ATP1B3: variants seen among roughly 807,000 people sequenced by gnomAD.
ATP1B3 encodes the protein sodium/potassium-transporting ATPase subunit beta-3.
ATP1B3 carries 10 observed loss-of-function variants against 30.2 expected under a neutral mutation model. That is an observed-to-expected ratio of 0.33 (90% confidence interval 0.20 to 0.56). The LOEUF (loss-of-function observed/expected upper bound fraction) is 0.56, where lower values mean the gene tolerates loss of function less well. ATP1B3 is among the 20% of genes least tolerant of loss of function. ATP1B3 has a pLI of 0.90. For missense variants in ATP1B3, 238 were observed against 336.7 expected (o/e 0.71, Z 2.29); for synonymous variants, 113 against 117.0 (o/e 0.97, Z 0.22).
At chr3:141,904,102 C>T (rs951470331) in intron 2 of ATP1B3, among the ~76,000 whole-genome samples, 1 of 152,136 alleles carries the variant, frequency 6.6e-6, no homozygotes, top group Non-Finnish European at 1.5e-5. Context: ...CGGCTTTTAA[C>T]AAAATTGAGT....
rs1379745968 is a variant in ATP1B3 at position 141,889,746 on chromosome 3, A to ATATATAT, written c.109+12836_109+12837insTATATAT. Among the ~76,000 whole-genome samples the ATATATAT allele has an allele frequency of 4.9e-4, 49 of 101,010 alleles. 1 individual carries two copies. Among genetic ancestry groups the ATATATAT allele is most frequent in the African/African-American group, 8.2e-4 (18 of 21,924 alleles). 66.3% of individuals were successfully genotyped at this position (101,010 alleles called of 152,430 possible). On this transcript the variant is annotated intron_variant, in intron 1 of 6. Coordinates refer to ENST00000286371, the MANE Select transcript of ATP1B3 (RefSeq NM_001679.4). ...TCCGTCTCAAAAAAAAAAAAAAAAAAAAAAATATATACACACACACACACA... is the reference window on the plus strand; with the variant it reads ...TCCGTCTCAAAAAAAAAAAAAAAAAATATATATAAAAATATATACACACACACACACA...
intron 1 of ATP1B3, among the ~76,000 whole-genome samples, chr3:141,901,788 A>G (rs1319353558): frequency 2.0e-5 from 3 of 152,246 alleles, no homozygotes; most frequent in Non-Finnish European, 2.9e-5. Context: ...TAACAAGAAT[A>G]TTTTAAGATG....
intron 5 of ATP1B3, among the ~76,000 whole-genome samples, chr3:141,921,381 T>C (rs1434075022): frequency 2.0e-5 from 3 of 151,744 alleles, no homozygotes; most frequent in Non-Finnish European, 2.9e-5. Flanking sequence ...TTATATATGC[T>C]CATAAATTTA....
chr3:141,910,783 C>CT (rs67244663), intron 3 of ATP1B3, among the ~76,000 whole-genome samples: 3 of 150,000 alleles, frequency 2.0e-5, no homozygotes, highest in Non-Finnish European at 4.4e-5. Context: ...CTGCCCCCCC[C>CT]TTTTTTTTAA....
At chr3:141,877,957 A>C in intron 1 of ATP1B3, among the ~76,000 whole-genome samples, 1 of 152,020 alleles carries the variant, frequency 6.6e-6, no homozygotes, top group East Asian at 1.9e-4. Context: ...TCGAGAGCTT[A>C]GAACTATTTG....
chr3:141,884,514 C>T lies in ATP1B3; in HGVS notation c.109+7604C>T, dbSNP rs369249717. On this transcript the variant is annotated intron_variant, in intron 1 of 6. Coordinates refer to ENST00000286371, the MANE Select transcript of ATP1B3 (RefSeq NM_001679.4). ...GGGTTGAAGGATAGAAAGTATTGAT[C>T]CTGGGTGTGTCTGTGAGGGTGTTGC... Among the ~76,000 whole-genome samples, 50 of 152,192 alleles carry T rather than the reference C, an allele frequency of 3.3e-4. No individual in the cohort carries two copies. The South Asian group carries it at 1.0e-2, about 30-fold the overall frequency.
intron 1 of ATP1B3, among the ~76,000 whole-genome samples, chr3:141,890,351 G>A (rs1933927040): frequency 8.5e-6 from 1 of 117,510 alleles, no homozygotes; most frequent in African/African-American, 3.3e-5. Context: ...CACCCAGGAT[G>A]GACTGCAGTG....
At chr3:141,913,566 G>C in intron 3 of ATP1B3, 86 bp from the exon 4 acceptor site, 2 of 1,168,026 alleles carry the variant, frequency 1.7e-6, no homozygotes, top group Non-Finnish European at 2.3e-6. Context: ...TGTCTTTGAA[G>C]AACATTTTCC....
chr3:141,879,118 A>G (rs766226742), intron 1 of ATP1B3, among the ~76,000 whole-genome samples: 11 of 152,184 alleles, frequency 7.2e-5, no homozygotes, highest in Non-Finnish European at 1.3e-4. Context: ...TACTATTAAC[A>G]TTCTGGTATA....
intron 5 of ATP1B3, 81 bp from the exon 6 acceptor site, chr3:141,921,896 T>G (rs1016243828): frequency 1.1e-4 from 77 of 705,046 alleles, no homozygotes; most frequent in Admixed American, 1.1e-4. Flanking sequence ...TGTTCATGAT[T>G]GATATTCCTT....
At chr3:141,881,216 A>AAAG (rs1264281282) in intron 1 of ATP1B3, among the ~76,000 whole-genome samples, 1 of 151,008 alleles carries the variant, frequency 6.6e-6, no homozygotes, top group Non-Finnish European at 1.5e-5. Context: ...AAAAAAAAAA[A>AAAG]AAGAAAAGAA....
intron 1 of ATP1B3, among the ~76,000 whole-genome samples, chr3:141,890,077 A>ATTT (rs1168391065): frequency 8.4e-6 from 1 of 118,766 alleles, no homozygotes; most frequent in African/African-American, 3.4e-5. Context: ...CTGTAATCTA[A>ATTT]TTTTTTTTCT....
chr3:141,905,523 A>G (rs1408749003), intron 2 of ATP1B3, among the ~76,000 whole-genome samples: 1 of 152,190 alleles, frequency 6.6e-6, no homozygotes. Context: ...AAACTGAACT[A>G]ATTGTCTCAA....
chr3:141,902,691 G>T (rs1300331887), intron 1 of ATP1B3, among the ~76,000 whole-genome samples: 2 of 152,140 alleles, frequency 1.3e-5, no homozygotes, highest in Non-Finnish European at 1.5e-5. Flanking sequence ...ATGTTGAAAC[G>T]TGTGTCTCCC....
At chr3:141,878,582 C>G (rs1384867153) in intron 1 of ATP1B3, among the ~76,000 whole-genome samples, 1 of 152,078 alleles carries the variant, frequency 6.6e-6, no homozygotes, top group Admixed American at 6.5e-5. Flanking sequence ...GCTCTTCAAC[C>G]TTTGTATTGT....
chr3:141,906,983 G>T (rs530281358), intron 2 of ATP1B3, among the ~76,000 whole-genome samples, 184 bp from the exon 3 acceptor site: 3 of 152,162 alleles, frequency 2.0e-5, no homozygotes, highest in Non-Finnish European at 2.9e-5. Flanking sequence ...GGTTTTGAAG[G>T]TTTGAGTTAT....
intron 5 of ATP1B3, among the ~76,000 whole-genome samples, chr3:141,918,010 C>T (rs918121066): frequency 5.9e-5 from 9 of 151,888 alleles, no homozygotes; most frequent in East Asian, 3.9e-4. Context: ...CCTCGTGATC[C>T]GCCCGCCTCA....
intron 1 of ATP1B3, among the ~76,000 whole-genome samples, chr3:141,887,928 G>T (rs1486512126): frequency 6.6e-6 from 1 of 152,196 alleles, no homozygotes; most frequent in Admixed American, 6.5e-5. Context: ...ACTAGGAAGG[G>T]ACGTGACGGA....
intron 5 of ATP1B3, chr3:141,916,556 C>T (rs937356716): frequency 3.1e-6 from 4 of 1,287,952 alleles, no homozygotes; most frequent in Non-Finnish European, 4.1e-6. Flanking sequence ...GCCACTAAGA[C>T]AAATAATGTA....
Sources: gnomAD v4.1 joint callset for allele counts (sites outside exome capture counted in the v4.1 genomes callset) on GRCh38, gnomAD v4.1.1 for gene constraint, MANE v1.5 for transcripts, NCBI Gene and HGNC (gene_info 2026-07-23, HGNC 2026-07-21) for gene names.